The following IRS1 variants were observed in gnomAD, a reference collection of about 807,000 sequenced individuals.
IRS1 encodes insulin receptor substrate 1.
A neutral mutation model predicts 65.6 loss-of-function variants in IRS1; 34 were observed. The observed-to-expected ratio is 0.52, with a 90% confidence interval of 0.39 to 0.69. The LOEUF (loss-of-function observed/expected upper bound fraction) is 0.69, where lower values mean the gene tolerates loss of function less well. Among genes scored for constraint, IRS1 ranks in the 30% least tolerant of loss-of-function variants. IRS1 has a pLI of 0.00. For missense variants in IRS1, 1,641 were observed against 1,720.2 expected (o/e 0.95, Z 0.81); for synonymous variants, 699 against 683.5 (o/e 1.02, Z -0.35).
At position 226,799,145 on chromosome 2, in the gene IRS1, C is replaced by A; in HGVS notation, c.-407G>T. On this transcript the variant is annotated 5_prime_UTR_variant, in exon 1 of 2. Coordinates refer to ENST00000305123, the MANE Select transcript of IRS1 (RefSeq NM_005544.3). The surrounding 1 kb of genome is among the most constrained non-coding windows in gnomAD (Gnocchi z 6.1). ...CCTGCGGTGCCCCTCCAGGAGCGCG[C>A]GCGCGCGCGCGCCTTCCCTCCTGAG... The A allele has an allele frequency of 5.4e-6, 6 of 1,102,674 alleles. No homozygotes were observed. Among genetic ancestry groups the A allele is most frequent in the Non-Finnish European group, 6.7e-6 (6 of 892,360 alleles). 68.3% of individuals were successfully genotyped at this position (1,102,674 alleles called of 1,614,324 possible).
intron 1 of IRS1, among the ~76,000 whole-genome samples, chr2:226,769,756 G>A (rs1440415877): frequency 6.6e-6 from 1 of 152,154 alleles, no homozygotes; most frequent in Non-Finnish European, 1.5e-5. Flanking sequence ...AGAAAAACAG[G>A]TGCATATAAA....
chr2:226,777,618 T>C (rs1421617550), intron 1 of IRS1, among the ~76,000 whole-genome samples: 2 of 152,172 alleles, frequency 1.3e-5, no homozygotes, highest in Non-Finnish European at 2.9e-5. Flanking sequence ...CTTTGGGAGA[T>C]GATTGAATCA....
chr2:226,749,666 T>G (rs767638209), intron 1 of IRS1, among the ~76,000 whole-genome samples: 1 of 152,128 alleles, frequency 6.6e-6, no homozygotes, highest in Non-Finnish European at 1.5e-5. Flanking sequence ...CAGAGATAGA[T>G]CCAAGAAATA....
chr2:226,736,907 G>GT (rs1423602301), intron 1 of IRS1, among the ~76,000 whole-genome samples: 1 of 152,018 alleles, frequency 6.6e-6, no homozygotes, highest in Admixed American at 6.6e-5. Flanking sequence ...GTCACTATCC[G>GT]TGATTCCCCT....
At chr2:226,791,506 A>C (rs1285853660) in intron 1 of IRS1, among the ~76,000 whole-genome samples, 1 of 152,188 alleles carries the variant, frequency 6.6e-6, no homozygotes, top group Non-Finnish European at 1.5e-5. Flanking sequence ...TCTGATCCAA[A>C]TGCAAGAATA....
intron 1 of IRS1, among the ~76,000 whole-genome samples, chr2:226,791,584 G>C (rs1939602697): frequency 6.6e-6 from 1 of 152,054 alleles, no homozygotes; most frequent in African/African-American, 2.4e-5. Flanking sequence ...CGGCCTGCGG[G>C]CACCCGCGGG....
intron 1 of IRS1, among the ~76,000 whole-genome samples, chr2:226,785,828 G>T (rs1939475901): frequency 6.6e-6 from 1 of 150,424 alleles, no homozygotes; most frequent in African/African-American, 2.5e-5. Context: ...GTGCCATGCT[G>T]GTGCGCTGCA....
At chr2:226,741,431 C>T (rs1156422455) in intron 1 of IRS1, among the ~76,000 whole-genome samples, 1 of 152,024 alleles carries the variant, frequency 6.6e-6, no homozygotes, top group Non-Finnish European at 1.5e-5. Context: ...AGGGCACAGG[C>T]AAAATATTTG....
chr2:226,781,042 G>C (rs1939371558), intron 1 of IRS1, among the ~76,000 whole-genome samples: 2 of 152,160 alleles, frequency 1.3e-5, no homozygotes, highest in Non-Finnish European at 2.9e-5. Flanking sequence ...GTAGGAAGGA[G>C]TGCCATAAAA....
At chr2:226,743,072 A>T (rs1224049834) in intron 1 of IRS1, among the ~76,000 whole-genome samples, 2 of 152,060 alleles carry the variant, frequency 1.3e-5, no homozygotes, top group Admixed American at 6.6e-5. Flanking sequence ...CCTCCCCTCA[A>T]TTGCAAATCA....
chr2:226,754,378 C>T (rs1021416021), intron 1 of IRS1, among the ~76,000 whole-genome samples: 1 of 152,134 alleles, frequency 6.6e-6, no homozygotes, highest in African/African-American at 2.4e-5. Flanking sequence ...AATTTAGAAT[C>T]TCCAAAAACA....
Position 226,795,280 on chromosome 2 carries a change from A to T in IRS1, c.3459T>A (p.Pro1153=). ...CCTTGGGGGCTCCCCCAAGCTCCCC[A>T]GGCCTCAGCCACACATTCTCAAAGG... ...SASFENVWLR[P]GELGGAPKEP... is the part of the protein sequence containing the mutation. The change falls in exon 1 of 2, where the codon CCT becomes CCA. Residue 1153 remains proline, a synonymous_variant. Coordinates refer to ENST00000305123, the MANE Select transcript of IRS1 (RefSeq NM_005544.3). 1 of 1,613,896 alleles carries T rather than the reference A, an allele frequency of 6.2e-7. No homozygotes were observed. Among genetic ancestry groups the T allele is most frequent in the Non-Finnish European group, 8.5e-7 (1 of 1,179,994 alleles).
chr2:226,778,616 AAACTCT>A (rs891354032), intron 1 of IRS1, among the ~76,000 whole-genome samples: 1 of 152,238 alleles, frequency 6.6e-6, no homozygotes, highest in Non-Finnish European at 1.5e-5. Context: ...CTTAAAAAGA[AAACTCT>A]TTACAATACC....
In IRS1 at chr2:226,796,954, C is replaced by A. The variant is rs35319654; in HGVS notation, c.1785G>T (p.Arg595=). Residue 595 remains arginine, a synonymous_variant, in exon 1 of 2, where the codon CGG becomes CGT. Coordinates refer to ENST00000305123, the MANE Select transcript of IRS1 (RefSeq NM_005544.3). ...EGLEMHPLER[R]GGHHRPDSST... is the part of the protein sequence containing the mutation. ...AGCTGTCTGGGCGGTGGTGCCCCCC[C>A]CGACGCTCCAAGGGGTGCATTTCCA... 1.9e-6 allele frequency: 3 copies of A among 1,564,522 alleles called. No individual in the cohort carries two copies. Among genetic ancestry groups the A allele is most frequent in the East Asian group, 2.3e-5 (1 of 44,360 alleles).
At chr2:226,783,630 T>C (rs1051815466) in intron 1 of IRS1, among the ~76,000 whole-genome samples, 5 of 152,230 alleles carry the variant, frequency 3.3e-5, no homozygotes, top group African/African-American at 9.6e-5. Flanking sequence ...GTGTTCACTA[T>C]AAACATCTAA....
chr2:226,744,635 G>A (rs1489325727), intron 1 of IRS1, among the ~76,000 whole-genome samples: 1 of 152,174 alleles, frequency 6.6e-6, no homozygotes, highest in East Asian at 1.9e-4. Flanking sequence ...TCACAGGAGT[G>A]TGAACCCTAT....
At chr2:226,770,377 T>A (rs1030437312) in intron 1 of IRS1, among the ~76,000 whole-genome samples, 2 of 152,236 alleles carry the variant, frequency 1.3e-5, no homozygotes, top group Non-Finnish European at 2.9e-5. Context: ...CATAAACTCC[T>A]CCACCCTGCC....
intron 1 of IRS1, among the ~76,000 whole-genome samples, chr2:226,772,175 A>T (rs1197563620): frequency 6.6e-6 from 1 of 152,070 alleles, no homozygotes; most frequent in East Asian, 1.9e-4. Context: ...AACCAAAAGC[A>T]CCCCTATGTT....
At chr2:226,771,034 T>C (rs1235207275) in intron 1 of IRS1, among the ~76,000 whole-genome samples, 1 of 152,090 alleles carries the variant, frequency 6.6e-6, no homozygotes, top group Non-Finnish European at 1.5e-5. Context: ...AGTTCATGTA[T>C]ATATATATAA....
Sources: allele counts gnomAD v4.1 joint callset (sites outside exome capture counted in the v4.1 genomes callset), GRCh38; gene constraint gnomAD v4.1.1; non-coding constraint Gnocchi (gnomAD v3.1); transcripts MANE v1.5; gene names NCBI Gene and HGNC (gene_info 2026-07-23, HGNC 2026-07-21).